GSG1L: variants seen among roughly 807,000 people sequenced by gnomAD.
GSG1L encodes germ cell-specific gene 1-like protein.
In GSG1L, 24 loss-of-function variants were observed where a neutral mutation model predicts 42.1. The ratio of observed to expected loss-of-function variants is 0.57; its 90% confidence interval spans 0.41 to 0.80. The LOEUF is 0.80. Among genes scored for constraint, GSG1L ranks in the 30% least tolerant of loss-of-function variants. GSG1L has a pLI of 0.00. For missense variants in GSG1L, 445 were observed against 472.2 expected, an observed-to-expected ratio of 0.94 and a Z score of 0.53; for synonymous variants, 215 against 203.5, an observed-to-expected ratio of 1.06 and a Z score of -0.48.
At chr16:27,852,741 T>C (rs2083529809) in intron 3 of GSG1L, among the ~76,000 whole-genome samples, 1 of 151,978 alleles carries the variant, frequency 6.6e-6, no homozygotes, top group Non-Finnish European at 1.5e-5. Context: ...GGGGCAGGAA[T>C]TGCAACTTTC....
chr16:27,866,514 C>T (rs2083727608), intron 3 of GSG1L, among the ~76,000 whole-genome samples: 1 of 152,166 alleles, frequency 6.6e-6, no homozygotes, highest in Non-Finnish European at 1.5e-5. Flanking sequence ...AGGCCAGGAT[C>T]CACACCTGAG....
In GSG1L at chr16:27,878,600, A is replaced by G. The variant is rs1342634406; in HGVS notation, c.550+5886T>C. 2.6e-5 allele frequency among the ~76,000 whole-genome samples: 4 copies of G among 152,222 alleles called. No homozygotes were observed. In the East Asian group the frequency reaches 5.8e-4, roughly 22 times the overall value. The stretch of plus-strand genomic sequence containing the variant: ...ACTACAGACTCACACCACTATGCCC[A>G]GCTACTTTTTTTTCTTCATAAAGAC... On this transcript the variant is annotated intron_variant, in intron 3 of 6. Coordinates refer to ENST00000447459, the MANE Select transcript of GSG1L (RefSeq NM_001109763.2).
chr16:27,852,583 C>A (rs1461092387), intron 3 of GSG1L, among the ~76,000 whole-genome samples: 1 of 152,010 alleles, frequency 6.6e-6, no homozygotes, highest in Admixed American at 6.5e-5. Flanking sequence ...CCAGCAGAAA[C>A]CCACAGGCAA....
chr16:27,912,665 T>C (rs1271821960), intron 2 of GSG1L, among the ~76,000 whole-genome samples: 1 of 152,230 alleles, frequency 6.6e-6, no homozygotes, highest in Non-Finnish European at 1.5e-5. Flanking sequence ...GCTCCACAGA[T>C]TGACGCAGCC....
At chr16:27,823,013 G>C (rs1424092259) in intron 5 of GSG1L, among the ~76,000 whole-genome samples, 1 of 152,180 alleles carries the variant, frequency 6.6e-6, no homozygotes, top group African/African-American at 2.4e-5. Context: ...TGGCACAGCT[G>C]AATTCCCTCT....
At chr16:27,964,666 G>A (rs2085109743) in intron 1 of GSG1L, among the ~76,000 whole-genome samples, 1 of 152,184 alleles carries the variant, frequency 6.6e-6, no homozygotes, top group Non-Finnish European at 1.5e-5. Context: ...AAATAAGCCA[G>A]GCACAGAAAG....
chr16:27,912,338 AC>A (rs2084401626), intron 2 of GSG1L, among the ~76,000 whole-genome samples: 1 of 152,128 alleles, frequency 6.6e-6, no homozygotes, highest in Non-Finnish European at 1.5e-5. Flanking sequence ...ACATAGTGAG[AC>A]CTGGTCTCTA....
chr16:27,850,321 C>A (rs1042344939), intron 3 of GSG1L, among the ~76,000 whole-genome samples: 10 of 151,996 alleles, frequency 6.6e-5, no homozygotes, highest in African/African-American at 2.4e-4. Flanking sequence ...GCCACCGTGC[C>A]GGCCTTGAAA....
At chr16:27,861,831 G>C (rs912631887) in intron 3 of GSG1L, among the ~76,000 whole-genome samples, 1 of 152,146 alleles carries the variant, frequency 6.6e-6, no homozygotes, top group African/African-American at 2.4e-5. Context: ...TCAGATTCCA[G>C]TCCCTTCTGC....
At position 27,788,921 on chromosome 16, in the gene GSG1L, G is replaced by A. The variant is rs914465572; in HGVS notation, c.*2449C>T. On this transcript the variant is annotated 3_prime_UTR_variant, in exon 7 of 7. Coordinates refer to ENST00000447459, the MANE Select transcript of GSG1L (RefSeq NM_001109763.2). ...AGGTGGAATCTGAACCCAGGCTCACGACAATAGATGCCCTCTCTGGATGCT... is the reference window on the plus strand; with the variant it reads ...AGGTGGAATCTGAACCCAGGCTCACAACAATAGATGCCCTCTCTGGATGCT... 1.3e-5 allele frequency: 2 copies of A among 152,236 alleles called. No individual in the cohort carries two copies. The highest frequency in any genetic ancestry group is 4.8e-5 in the African/African-American group (2 of 41,446). 9.4% of individuals were successfully genotyped at this position (152,236 alleles called of 1,614,324 possible). A position where few individuals can be genotyped will look rare whatever the true frequency, so the allele number is the denominator to read the frequency against.
intron 3 of GSG1L, among the ~76,000 whole-genome samples, chr16:27,875,352 G>T (rs530711014): frequency 6.6e-6 from 1 of 152,016 alleles, no homozygotes; most frequent in Admixed American, 6.6e-5. Flanking sequence ...TTACCTTCTC[G>T]TCAATACTCC....
chr16:27,859,554 C>A (rs1006600029), intron 3 of GSG1L, among the ~76,000 whole-genome samples: 3 of 152,368 alleles, frequency 2.0e-5, no homozygotes, highest in African/African-American at 7.2e-5. Context: ...CACTGCCTGG[C>A]CCAGACATCA....
chr16:27,789,213 A>T lies in GSG1L; in HGVS notation c.*2157T>A, dbSNP rs1456496222. Reference sequence around the variant, plus strand: ...TGGATGATAGATAGGTGTAAGGATAATGGATGGATAGATGATGAATAGATG... The same window carrying T: ...TGGATGATAGATAGGTGTAAGGATATTGGATGGATAGATGATGAATAGATG... On this transcript the variant is annotated 3_prime_UTR_variant, in exon 7 of 7. Coordinates refer to ENST00000447459, the MANE Select transcript of GSG1L (RefSeq NM_001109763.2). The T allele has an allele frequency of 1.3e-5, 2 of 152,202 alleles. No homozygotes were observed. Among genetic ancestry groups the T allele is most frequent in the Non-Finnish European group, 2.9e-5 (2 of 68,052 alleles). 9.4% of individuals were successfully genotyped at this position (152,202 alleles called of 1,614,324 possible). A position where few individuals can be genotyped will look rare whatever the true frequency, so the allele number is the denominator to read the frequency against.
chr16:27,860,159 G>C (rs2083627848), intron 3 of GSG1L, among the ~76,000 whole-genome samples: 1 of 152,224 alleles, frequency 6.6e-6, no homozygotes, highest in African/African-American at 2.4e-5. Context: ...TCCAGAGGAA[G>C]GGGTGGCTCT....
intron 2 of GSG1L, among the ~76,000 whole-genome samples, chr16:27,904,677 G>A (rs1306685776): frequency 6.6e-6 from 1 of 151,844 alleles, no homozygotes; most frequent in Admixed American, 6.6e-5. Context: ...CTTCCTTCCT[G>A]AGGCTCCTTT....
chr16:27,943,423 G>T (rs999518522), intron 2 of GSG1L, among the ~76,000 whole-genome samples: 5 of 151,828 alleles, frequency 3.3e-5, no homozygotes, highest in African/African-American at 1.2e-4. Context: ...ACAGTTACAT[G>T]ATCAACATAA....
intron 2 of GSG1L, among the ~76,000 whole-genome samples, chr16:27,902,494 GGCAGTGCAGACCCC>G (rs2084271431): frequency 6.6e-6 from 1 of 152,154 alleles, no homozygotes; most frequent in African/African-American, 2.4e-5. Context: ...TGGTGAGGCT[GGCAGTGCAGACCCC>G]GCGGGTGCCG....
chr16:27,820,568 G>A (rs778736036), intron 5 of GSG1L, among the ~76,000 whole-genome samples: 19 of 152,226 alleles, frequency 1.2e-4, no homozygotes, highest in Non-Finnish European at 2.1e-4. Context: ...TGCGGTTGAC[G>A]TGCCCATCCC....
intron 2 of GSG1L, among the ~76,000 whole-genome samples, chr16:27,933,098 TA>T (rs145636779): frequency 0.016 from 2,487 of 152,008 alleles, 65 homozygotes; most frequent in African/African-American, 0.057. Flanking sequence ...GGCACCTTTG[TA>T]AAAACACATA....
Sources: allele counts gnomAD v4.1 joint callset (sites outside exome capture counted in the v4.1 genomes callset), GRCh38; gene constraint gnomAD v4.1.1; transcripts MANE v1.5; gene names NCBI Gene and HGNC (gene_info 2026-07-23, HGNC 2026-07-21).